Variants in TDRD9 observed in about 807,000 individuals in gnomAD.
The protein encoded by TDRD9 is tudor domain containing 9, also known as ATP-dependent RNA helicase TDRD9.
TDRD9 carries 124 observed loss-of-function variants against 172.6 expected under a neutral mutation model. The observed-to-expected ratio is 0.72, with a 90% CI of 0.62 to 0.83. The LOEUF is 0.83. TDRD9 is among the 40% of genes least tolerant of loss of function. The pLI, the probability that TDRD9 is intolerant of heterozygous loss-of-function variation, is 0.00. For synonymous variants in TDRD9, 619 were observed against 617.1 expected (o/e 1.00, Z -0.05); for missense variants, 1,479 against 1,714.1 (o/e 0.86, Z 2.42).
intron 7 of TDRD9, among the ~76,000 whole-genome samples, chr14:103,982,437 A>C (rs949884070): frequency 6.6e-6 from 1 of 152,060 alleles, no homozygotes; most frequent in African/African-American, 2.4e-5. Flanking sequence ...GGTAAGTCCT[A>C]GACTTACCTG....
At chr14:103,949,335 G>A (rs2031737770) in intron 1 of TDRD9, among the ~76,000 whole-genome samples, 1 of 152,078 alleles carries the variant, frequency 6.6e-6, no homozygotes, top group Non-Finnish European at 1.5e-5. Flanking sequence ...ATGAAGCAGG[G>A]GTCTAGATGA....
At chr14:103,975,617 TC>T in intron 7 of TDRD9, 64 bp downstream of exon 7, 1 of 1,463,798 alleles carries the variant, frequency 6.8e-7, no homozygotes, top group Admixed American at 2.3e-5. Flanking sequence ...AAACCTGCAT[TC>T]ATCACCTATG....
At chr14:104,013,033 G>T (rs1162757685) in intron 20 of TDRD9, among the ~76,000 whole-genome samples, 1 of 152,164 alleles carries the variant, frequency 6.6e-6, no homozygotes, top group South Asian at 2.1e-4. Context: ...CCATCCCTCA[G>T]GGGTACAGAG....
intron 1 of TDRD9, 54 bp downstream of exon 1, chr14:103,928,778 G>A: frequency 1.6e-6 from 1 of 631,964 alleles, no homozygotes; most frequent in Non-Finnish European, 2.2e-6. Context: ...GAGGCCTGGC[G>A]ACGAGGGCAC....
intron 1 of TDRD9, among the ~76,000 whole-genome samples, chr14:103,946,317 T>C (rs1417842468): frequency 6.6e-6 from 1 of 152,224 alleles, no homozygotes; most frequent in Non-Finnish European, 1.5e-5. Flanking sequence ...GGGTTATTGA[T>C]TCATTTTTCT....
At chr14:103,970,458 TCC>T in intron 5 of TDRD9, 81 bp from the exon 6 acceptor site, 1 of 947,782 alleles carries the variant, frequency 1.1e-6, no homozygotes, top group South Asian at 1.4e-5. Flanking sequence ...TAGTCCCCAG[TCC>T]CCCAGTGGTG....
chr14:103,961,663 C>G (rs2032518108), intron 2 of TDRD9, among the ~76,000 whole-genome samples: 1 of 151,340 alleles, frequency 6.6e-6, no homozygotes, highest in South Asian at 2.1e-4. Context: ...GAAGAACATA[C>G]TCACAAAGAA....
At chr14:104,048,699 C>T (rs147986202) in intron 34 of TDRD9, among the ~76,000 whole-genome samples, 1 of 152,130 alleles carries the variant, frequency 6.6e-6, no homozygotes, top group Admixed American at 6.5e-5. Flanking sequence ...GGCCTGCTCC[C>T]CCTCTGTGGC....
chr14:103,958,705 ATTC>A (rs1354408005), intron 2 of TDRD9, among the ~76,000 whole-genome samples: 3 of 152,232 alleles, frequency 2.0e-5, no homozygotes, highest in African/African-American at 7.2e-5. Context: ...AAGGGAATAG[ATTC>A]TTCTTTACAG....
intron 7 of TDRD9, among the ~76,000 whole-genome samples, chr14:103,983,213 G>GC (rs112258021): frequency 0.46 from 69,663 of 150,866 alleles, 16,689 homozygotes; most frequent in African/African-American, 0.58. Context: ...ACAGGTGTGT[G>GC]CCCCATGCCC....
chr14:103,966,963 T>C (rs1245272791), intron 5 of TDRD9, 132 bp downstream of exon 5: 1 of 843,574 alleles, frequency 1.2e-6, no homozygotes, highest in African/African-American at 1.7e-5. Context: ...TTCTGGACTT[T>C]TCTCAGTAAG....
chr14:104,032,259 T>G (rs545680554), intron 30 of TDRD9, among the ~76,000 whole-genome samples, 172 bp downstream of exon 30: 6 of 152,296 alleles, frequency 3.9e-5, no homozygotes, highest in Admixed American at 2.6e-4. Flanking sequence ...CAGGCTGGAG[T>G]GCAGTGGCGC....
chr14:103,970,527 T>A lies in TDRD9; in HGVS notation c.766-14T>A. 6.4e-7 allele frequency: 1 copy of A among 1,550,516 alleles called. No individual in the cohort carries two copies. The highest frequency in any genetic ancestry group is 8.7e-7 in the Non-Finnish European group (1 of 1,145,992). ...TGATGCCATGTGGGGGGTGCCCCCT[T>A]TTTTATTTTGTAGGTACACGAACGA... On this transcript the variant is annotated splice_polypyrimidine_tract_variant and intron_variant, in intron 5 of 35. Coordinates refer to ENST00000409874, the MANE Select transcript of TDRD9 (RefSeq NM_153046.3).
chr14:103,991,581 T>A (rs1313665633), intron 9 of TDRD9, among the ~76,000 whole-genome samples: 1 of 150,798 alleles, frequency 6.6e-6, no homozygotes. Flanking sequence ...CCCGGCTTAT[T>A]TTTGTATTTT....
chr14:104,049,944 G>C (rs1426207286), intron 35 of TDRD9: 3 of 422,966 alleles, frequency 7.1e-6, no homozygotes, highest in Non-Finnish European at 1.3e-5. Flanking sequence ...AAAGGTATGA[G>C]GGTCTGGATT....
Position 104,049,649 on chromosome 14 carries a change from A to G in TDRD9, c.4016A>G (p.Lys1339Arg). Residue 1339 changes from lysine to arginine, a missense_variant, in exon 35 of 36, where the codon AAG becomes AGG. By Grantham distance (26) the Lys-to-Arg change is conservative. Transcript: ENST00000409874. ...QSKPREKIVP[K>R]WHEKPYEWNQ... Reference sequence around the variant, plus strand: ...AAACCAAGGGAGAAGATTGTTCCCAAGTGGCATGAAAAGCCCTACGAGTGG... The same window carrying G: ...AAACCAAGGGAGAAGATTGTTCCCAGGTGGCATGAAAAGCCCTACGAGTGG... 1 of 1,590,476 alleles carries G rather than the reference A, an allele frequency of 6.3e-7. No individual in the cohort carries two copies. The highest frequency in any genetic ancestry group is 8.6e-7 in the Non-Finnish European group (1 of 1,168,414).
At position 104,025,673 on chromosome 14, in the gene TDRD9, C is replaced by G; in HGVS notation, c.2828C>G (p.Thr943Ser). 1.9e-6 allele frequency: 3 copies of G among 1,614,016 alleles called. No individual in the cohort carries two copies. Among genetic ancestry groups the G allele is most frequent in the Non-Finnish European group, 2.5e-6 (3 of 1,179,884 alleles). ...INQLTLVPLP[T>S]HPHPDLVCLA... ...CAACTGACGCTGGTGCCCTTGCCCA[C>G]TCACCCACATCCAGACTTGGTCTGT... Residue 943 changes from threonine (T) to serine (S), a missense_variant, in exon 26 of 36, where the codon ACT (threonine) becomes AGT (serine). By Grantham distance (58) the Thr-to-Ser change is moderately conservative (BLOSUM62 1). Transcript: ENST00000409874.
In TDRD9 at chr14:103,967,312, G is replaced by C. The variant is rs187722021; in HGVS notation, c.765+481G>C. The stretch of plus-strand genomic sequence containing the variant: ...GAGGTCAGGAGTTCGAGACCAACCT[G>C]GCCAACATGGTGAAACCCATCTCTA... On this transcript the variant is annotated intron_variant, in intron 5 of 35. Transcript: ENST00000409874. Among the ~76,000 whole-genome samples the C allele has an allele frequency of 1.6e-4, 21 of 130,732 alleles. No individual in the cohort carries two copies. In the East Asian group the frequency reaches 4.5e-3, roughly 28 times the overall value. 85.8% of individuals were successfully genotyped at this position (130,732 alleles called of 152,430 possible). A position where few individuals can be genotyped will look rare whatever the true frequency, so the allele number is the denominator to read the frequency against.
intron 23 of TDRD9, among the ~76,000 whole-genome samples, chr14:104,020,797 A>T (rs1044900527): frequency 6.6e-6 from 1 of 152,008 alleles, no homozygotes; most frequent in Non-Finnish European, 1.5e-5. Context: ...CTCTGTGATG[A>T]TGTGGGGACC....
Sources: allele counts gnomAD v4.1 joint callset (sites outside exome capture counted in the v4.1 genomes callset), GRCh38; gene constraint gnomAD v4.1.1; transcripts MANE v1.5; gene names NCBI Gene and HGNC (gene_info 2026-07-23, HGNC 2026-07-21).